AUTS2: variants seen among roughly 807,000 people sequenced by gnomAD.
The protein encoded by AUTS2 is activator of transcription and developmental regulator AUTS2, also known as autism susceptibility gene 2 protein.
A neutral mutation model predicts 112.4 loss-of-function variants in AUTS2; 17 were observed. That is an observed-to-expected ratio of 0.15 (90% CI 0.10 to 0.23). The LOEUF (loss-of-function observed/expected upper bound fraction) is 0.23. AUTS2 is among the 10% of genes least tolerant of loss of function. The probability of loss-of-function intolerance (pLI) is 1.00; values close to 1 mark genes in which losing one functional copy is unlikely to be tolerated. For synonymous variants in AUTS2, 751 were observed against 702.7 expected (o/e 1.07, Z -1.09); for missense variants, 1,510 against 1,701.6 (o/e 0.89, Z 1.98).
intron 2 of AUTS2, among the ~76,000 whole-genome samples, chr7:70,001,382 T>A (rs1211624763): frequency 6.6e-6 from 1 of 152,076 alleles, no homozygotes; most frequent in Non-Finnish European, 1.5e-5. Flanking sequence ...CTCCTTGGCC[T>A]CCCAAAATGC....
intron 1 of AUTS2, among the ~76,000 whole-genome samples, chr7:69,844,886 C>T (rs563035042): frequency 1.2e-3 from 177 of 152,196 alleles, no homozygotes; most frequent in African/African-American, 4.0e-3. Context: ...CTCTCTCAGT[C>T]CTATAAAATT....
intron 3 of AUTS2, among the ~76,000 whole-genome samples, chr7:70,129,970 C>A (rs1488319128): frequency 6.6e-6 from 1 of 150,950 alleles, no homozygotes; most frequent in Non-Finnish European, 1.5e-5. Flanking sequence ...AGGTACGTTT[C>A]TTTGGATTAA....
intron 1 of AUTS2, among the ~76,000 whole-genome samples, chr7:69,880,774 G>A (rs1006562630): frequency 3.3e-5 from 5 of 152,152 alleles, no homozygotes; most frequent in Non-Finnish European, 7.3e-5. Flanking sequence ...AGATGAAGTA[G>A]AGGAGAGGGT....
intron 5 of AUTS2, among the ~76,000 whole-genome samples, chr7:70,599,678 G>C (rs1803374273): frequency 6.6e-6 from 1 of 152,152 alleles, no homozygotes; most frequent in Non-Finnish European, 1.5e-5. Flanking sequence ...AATACCTATG[G>C]GAAGGAGGAG....
intron 2 of AUTS2, among the ~76,000 whole-genome samples, chr7:69,981,409 T>C (rs995077588): frequency 3.9e-5 from 6 of 152,256 alleles, no homozygotes; most frequent in African/African-American, 1.4e-4. Context: ...ATTTTTATTT[T>C]ATAAGTGAAT....
At chr7:70,366,609 G>GAT (rs1792580907) in intron 4 of AUTS2, among the ~76,000 whole-genome samples, 1 of 152,192 alleles carries the variant, frequency 6.6e-6, no homozygotes, top group Non-Finnish European at 1.5e-5. Context: ...TCAGTGAGGT[G>GAT]ATGCTGATAA....
At chr7:69,801,610 C>G (rs1584265930) in intron 1 of AUTS2, among the ~76,000 whole-genome samples, 1 of 151,952 alleles carries the variant, frequency 6.6e-6, no homozygotes, top group African/African-American at 2.4e-5. Context: ...GTGTTTACTA[C>G]ATTATGTACT....
At chr7:70,712,638 G>A (rs1394929893) in intron 6 of AUTS2, among the ~76,000 whole-genome samples, 1 of 152,152 alleles carries the variant, frequency 6.6e-6, no homozygotes, top group Non-Finnish European at 1.5e-5. Flanking sequence ...AGCCTTCCAG[G>A]TAGTTCTAAT....
At chr7:69,980,469 G>C (rs546697392) in intron 2 of AUTS2, among the ~76,000 whole-genome samples, 1 of 152,064 alleles carries the variant, frequency 6.6e-6, no homozygotes, top group Non-Finnish European at 1.5e-5. Flanking sequence ...TGCATTCACT[G>C]TACTTCTTAG....
At chr7:70,323,321 G>T (rs1285674206) in intron 4 of AUTS2, among the ~76,000 whole-genome samples, 1 of 152,194 alleles carries the variant, frequency 6.6e-6, no homozygotes, top group African/African-American at 2.4e-5. Context: ...ATGGTAGAAA[G>T]AAATAATATC....
intron 5 of AUTS2, among the ~76,000 whole-genome samples, chr7:70,553,446 C>T (rs1016642135): frequency 2.0e-5 from 3 of 152,104 alleles, no homozygotes; most frequent in Non-Finnish European, 4.4e-5. Flanking sequence ...GGGTTGGATT[C>T]GAGTAACCCT....
At chr7:70,465,530 T>A (rs1453892834) in intron 5 of AUTS2, among the ~76,000 whole-genome samples, 1 of 152,208 alleles carries the variant, frequency 6.6e-6, no homozygotes, top group Non-Finnish European at 1.5e-5. Flanking sequence ...ATTGGGCTGA[T>A]GATAACTGGT....
chr7:69,983,785 C>G (rs1798392868), intron 2 of AUTS2, among the ~76,000 whole-genome samples: 1 of 147,342 alleles, frequency 6.8e-6, no homozygotes, highest in South Asian at 2.2e-4. Context: ...CATTCATACA[C>G]TTATGTGAAG....
intron 4 of AUTS2, among the ~76,000 whole-genome samples, chr7:70,295,939 G>A (rs544660549): frequency 1.3e-5 from 2 of 152,122 alleles, no homozygotes; most frequent in South Asian, 4.2e-4. Context: ...CTGCCCATCT[G>A]TCTGTCAATC....
At chr7:69,857,203 G>A (rs80104825) in intron 1 of AUTS2, among the ~76,000 whole-genome samples, 2,471 of 152,214 alleles carry the variant, frequency 0.016, 22 homozygotes, top group Middle Eastern at 0.034. Context: ...TAGCTAAGCA[G>A]CCCCTTTGAA....
intron 1 of AUTS2, among the ~76,000 whole-genome samples, chr7:69,889,876 T>A (rs1397457990): frequency 1.3e-5 from 2 of 152,192 alleles, no homozygotes; most frequent in Non-Finnish European, 2.9e-5. Context: ...CTGGCTGCCA[T>A]TACACTATCT....
intron 1 of AUTS2, among the ~76,000 whole-genome samples, chr7:69,614,239 T>G (rs991825121): frequency 6.6e-6 from 1 of 152,134 alleles, no homozygotes; most frequent in African/African-American, 2.4e-5. Flanking sequence ...TCACTGGGCC[T>G]GAATTTTCTA....
rs373450591 is a variant in AUTS2 at position 70,741,029 on chromosome 7, A to G, written c.743-21841A>G. 5.3e-4 allele frequency among the ~76,000 whole-genome samples: 80 copies of G among 151,692 alleles called. 1 individual carries two copies. The South Asian group carries it at 8.0e-3, about 15-fold the overall frequency. On this transcript the variant is annotated intron_variant, in intron 6 of 18. Transcript: ENST00000342771. The stretch of plus-strand genomic sequence containing the variant: ...GAATTGCTTGAACCTAGGAGGTGGA[A>G]GTTGCAGTGAGCTGAGATCGCACCA...
intron 4 of AUTS2, among the ~76,000 whole-genome samples, chr7:70,392,003 G>A (rs1029727828): frequency 3.3e-5 from 5 of 152,136 alleles, no homozygotes; most frequent in Non-Finnish European, 7.3e-5. Flanking sequence ...AGTGCTTCCT[G>A]ACTTCTCCAG....
Sources: allele counts gnomAD v4.1 joint callset (sites outside exome capture counted in the v4.1 genomes callset), GRCh38; gene constraint gnomAD v4.1.1; transcripts MANE v1.5; gene names NCBI Gene and HGNC (gene_info 2026-07-23, HGNC 2026-07-21).